CLIP1: variants seen among roughly 807,000 people sequenced by gnomAD.
The protein encoded by CLIP1 is CAP-Gly domain-containing linker protein 1.
A neutral mutation model predicts 161.6 loss-of-function variants in CLIP1; 66 were observed. The observed-to-expected ratio is 0.41, with a 90% CI of 0.33 to 0.50. The LOEUF (loss-of-function observed/expected upper bound fraction) is 0.50, where lower values mean the gene tolerates loss of function less well. CLIP1 is among the 20% of genes least tolerant of loss of function. The probability of loss-of-function intolerance (pLI) is 0.27; values close to 1 mark genes in which losing one functional copy is unlikely to be tolerated. For missense variants in CLIP1, 1,376 were observed against 1,702.0 expected (o/e 0.81, Z 3.37); for synonymous variants, 598 against 626.2 (o/e 0.96, Z 0.67).
At chr12:122,301,543 G>A (rs889468329) in intron 20 of CLIP1, among the ~76,000 whole-genome samples, 10 of 152,208 alleles carry the variant, frequency 6.6e-5, no homozygotes, top group South Asian at 4.1e-4. Context: ...GCGTGGTAGC[G>A]CATGCCTATA....
Position 122,341,308 on chromosome 12 carries a change from T to C in CLIP1, c.1896A>G (p.Ala632=), listed in dbSNP as rs773974398. 1.2e-5 allele frequency: 19 copies of C among 1,613,880 alleles called. No individual in the cohort carries two copies. Among genetic ancestry groups the C allele is most frequent in the Non-Finnish European group, 1.7e-6 (2 of 1,179,882 alleles). The change falls in exon 11 of 26, where the codon GCA becomes GCG. Residue 632 remains alanine, a synonymous_variant. Coordinates refer to ENST00000620786, the MANE Select transcript of CLIP1 (RefSeq NM_001247997.2). ...GTTCTTCCATCGCCTGCTGGTGGGA[T>C]GCGATGGCAGTCTCCAGTTTGGACT... is the stretch of plus-strand genomic sequence containing the variant. ...LWKSKLETAI[A]SHQQAMEELK...
chr12:122,342,583 C>T (rs1159780216), intron 10 of CLIP1: 1 of 152,128 alleles, frequency 6.6e-6, no homozygotes, highest in East Asian at 1.9e-4. Context: ...GTAATCCCAC[C>T]ACTTTGGGAG....
intron 15 of CLIP1, 121 bp downstream of exon 15, chr12:122,332,866 A>G (rs1952043994): frequency 1.3e-6 from 1 of 761,354 alleles, no homozygotes; most frequent in Admixed American, 3.1e-5. Flanking sequence ...TAATAACAGA[A>G]AAGAACAGAG....
intron 5 of CLIP1, among the ~76,000 whole-genome samples, chr12:122,358,519 G>A (rs550698300): frequency 1.3e-5 from 2 of 151,304 alleles, no homozygotes; most frequent in African/African-American, 4.8e-5. Flanking sequence ...ATGGCATAAT[G>A]ACTTAAGGTC....
At chr12:122,398,562 T>A (rs1956020100) in intron 1 of CLIP1, among the ~76,000 whole-genome samples, 1 of 152,058 alleles carries the variant, frequency 6.6e-6, no homozygotes, top group Non-Finnish European at 1.5e-5. Flanking sequence ...AAGAACAAAA[T>A]ATGTTTTTAA....
At chr12:122,313,351 C>T (rs535273710) in intron 19 of CLIP1, among the ~76,000 whole-genome samples, 10 of 152,292 alleles carry the variant, frequency 6.6e-5, no homozygotes, top group South Asian at 4.2e-4. Context: ...CTGGGGTTAG[C>T]GTGACAGCAG....
intron 3 of CLIP1, among the ~76,000 whole-genome samples, chr12:122,370,868 G>C (rs1211892196): frequency 1.3e-5 from 2 of 149,572 alleles, no homozygotes; most frequent in African/African-American, 2.5e-5. Context: ...TGGGACAAGA[G>C]AATCGCCTGA....
In CLIP1 at chr12:122,380,399, A is replaced by G; in HGVS notation, c.54T>C (p.Pro18=). 1 of 1,613,808 alleles carries G rather than the reference A, an allele frequency of 6.2e-7. No homozygotes were observed. Among genetic ancestry groups the G allele is most frequent in the Non-Finnish European group, 8.5e-7 (1 of 1,179,824 alleles). ...GLKAPTKILK[P]GSTALKTPTA... is the part of the protein sequence containing the mutation. Reference sequence around the variant, plus strand: ...TAGGTGTCTTCAGAGCTGTGCTTCCAGGCTTCAGGATCTTGGTGGGGGCCT... The same window carrying G: ...TAGGTGTCTTCAGAGCTGTGCTTCCGGGCTTCAGGATCTTGGTGGGGGCCT... Residue 18 remains proline, a synonymous_variant, in exon 2 of 26, where the codon CCT becomes CCC. Transcript: ENST00000620786.
chr12:122,404,229 G>T (rs910476112), intron 1 of CLIP1, among the ~76,000 whole-genome samples: 3 of 152,188 alleles, frequency 2.0e-5, no homozygotes, highest in Admixed American at 6.6e-5. Flanking sequence ...TAACAAGCGA[G>T]ATTCACTGGA....
chr12:122,356,599 C>CCTCTCCCT (rs996142648), intron 5 of CLIP1, among the ~76,000 whole-genome samples: 2 of 150,636 alleles, frequency 1.3e-5, no homozygotes, highest in East Asian at 1.9e-4. Flanking sequence ...GAATTGGGTC[C>CCTCTCCCT]CTCTCCCTCT....
At chr12:122,371,570 A>G (rs1206829477) in intron 3 of CLIP1, among the ~76,000 whole-genome samples, 1 of 152,224 alleles carries the variant, frequency 6.6e-6, no homozygotes, top group Non-Finnish European at 1.5e-5. Flanking sequence ...GTAATTGTGC[A>G]AAGAATAGAG....
At chr12:122,281,460 G>C (rs778164795) in intron 21 of CLIP1, among the ~76,000 whole-genome samples, 8 of 152,100 alleles carry the variant, frequency 5.3e-5, no homozygotes, top group Non-Finnish European at 8.8e-5. Context: ...GCCAAGGCAG[G>C]AGGATCGCTT....
intron 1 of CLIP1, among the ~76,000 whole-genome samples, chr12:122,390,182 T>TATATATATATATA (rs1475666590): frequency 7.4e-6 from 1 of 135,034 alleles, no homozygotes; most frequent in Non-Finnish European, 1.6e-5. Flanking sequence ...GATATATATA[T>TATATATATATATA]ATATATATAT....
chr12:122,327,410 T>C (rs1157032132), intron 17 of CLIP1, among the ~76,000 whole-genome samples: 2 of 152,152 alleles, frequency 1.3e-5, no homozygotes, highest in South Asian at 2.1e-4. Flanking sequence ...TCCAGCTTCC[T>C]TGTCAATAAG....
chr12:122,293,713 G>A (rs1223451165), intron 20 of CLIP1, among the ~76,000 whole-genome samples: 1 of 151,900 alleles, frequency 6.6e-6, no homozygotes, highest in Non-Finnish European at 1.5e-5. Flanking sequence ...CCTGACCTCA[G>A]GTGATCCGCC....
In CLIP1 at chr12:122,354,545, T is replaced by C; in HGVS notation, c.1215A>G (p.Glu405=). The change falls in exon 7 of 26, where the codon GAA becomes GAG. Residue 405 remains glutamate, a synonymous_variant. Transcript: ENST00000620786. ...GCAGCTGGTCCATTTTGGCTTCCAA[T>C]TCCAGGACATGCTGGGGAAGGCAAG... ...ARDGHDQHVL[E]LEAKMDQLRT... is the part of the protein sequence containing the mutation. 1 of 1,613,680 alleles carries C rather than the reference T, an allele frequency of 6.2e-7. No homozygotes were observed. The highest frequency in any genetic ancestry group is 1.1e-5 in the South Asian group (1 of 91,078).
At chr12:122,382,867 A>G (rs1424729400) in intron 1 of CLIP1, among the ~76,000 whole-genome samples, 3 of 152,176 alleles carry the variant, frequency 2.0e-5, no homozygotes, top group African/African-American at 7.2e-5. Flanking sequence ...CACTGCCATC[A>G]GTGATGAGGG....
intron 1 of CLIP1, among the ~76,000 whole-genome samples, chr12:122,389,799 T>C (rs549878708): frequency 1.5e-5 from 2 of 134,174 alleles, no homozygotes; most frequent in East Asian, 5.6e-4. Flanking sequence ...TATAATGTAG[T>C]TGGGGAGAGA....
At chr12:122,360,329 T>C (rs1454669484) in intron 5 of CLIP1, among the ~76,000 whole-genome samples, 1 of 151,114 alleles carries the variant, frequency 6.6e-6, no homozygotes, top group Non-Finnish European at 1.5e-5. Flanking sequence ...ATCCCAACAC[T>C]TTGGAAGTCC....
Sources: gnomAD v4.1 joint callset for allele counts (sites outside exome capture counted in the v4.1 genomes callset) on GRCh38, gnomAD v4.1.1 for gene constraint, MANE v1.5 for transcripts, NCBI Gene and HGNC (gene_info 2026-07-23, HGNC 2026-07-21) for gene names.